The following SH3GL2 variants were observed in gnomAD, a reference collection of about 807,000 sequenced individuals.
The protein encoded by SH3GL2 is endophilin-A1.
SH3GL2 carries 24 observed loss-of-function variants against 46.0 expected under a neutral mutation model. The ratio of observed to expected loss-of-function variants is 0.52; its 90% confidence interval spans 0.38 to 0.73. The LOEUF is 0.73. SH3GL2 is among the 30% of genes least tolerant of loss of function. SH3GL2 has a pLI of 0.00. For missense variants in SH3GL2, 413 were observed against 424.2 expected, an observed-to-expected ratio of 0.97 and a Z score of 0.23; for synonymous variants, 196 against 147.1, an observed-to-expected ratio of 1.33 and a Z score of -2.40.
rs536583588 is a variant in SH3GL2 at position 17,684,616 on chromosome 9, A to G, written c.46-62450A>G. Among the ~76,000 whole-genome samples, 83 of 152,246 alleles carry G rather than the reference A, an allele frequency of 5.5e-4. 1 individual carries two copies. The highest frequency in any genetic ancestry group is 2.0e-3 in the African/African-American group (82 of 41,558). The stretch of plus-strand genomic sequence containing the variant: ...ACACATACCACATAAGAAATCCAAT[A>G]AGCTCACTAAGCAGAATGAATACCC... On this transcript the variant is annotated intron_variant, in intron 1 of 8. Transcript: ENST00000380607.
At chr9:17,727,905 A>G (rs1261275328) in intron 1 of SH3GL2, among the ~76,000 whole-genome samples, 1 of 151,780 alleles carries the variant, frequency 6.6e-6, no homozygotes, top group Admixed American at 6.6e-5. Flanking sequence ...CTTCATCCTC[A>G]TTCTAGGCTC....
intron 1 of SH3GL2, among the ~76,000 whole-genome samples, chr9:17,664,289 C>T (rs891844164): frequency 1.3e-5 from 2 of 152,120 alleles, no homozygotes; most frequent in East Asian, 1.9e-4. Context: ...TTTATTATTT[C>T]TCATACCACA....
intron 2 of SH3GL2, among the ~76,000 whole-genome samples, chr9:17,754,052 A>G (rs1422448894): frequency 6.6e-6 from 1 of 152,220 alleles, no homozygotes; most frequent in East Asian, 1.9e-4. Flanking sequence ...CTGTTTTTGT[A>G]CCAGTACCAT....
At chr9:17,706,501 C>T (rs2383040) in intron 1 of SH3GL2, among the ~76,000 whole-genome samples, 34,969 of 152,014 alleles carry the variant, frequency 0.23, 5,013 homozygotes, top group African/African-American at 0.37. Context: ...AAATCCATAG[C>T]TGGCTTTATT....
chr9:17,596,835 T>A (rs2208506), intron 1 of SH3GL2, among the ~76,000 whole-genome samples: 3 of 152,214 alleles, frequency 2.0e-5, no homozygotes, highest in African/African-American at 7.2e-5. Context: ...GGCAGGCCAC[T>A]TTTGCCTTTC....
At chr9:17,685,425 A>C (rs1820877222) in intron 1 of SH3GL2, among the ~76,000 whole-genome samples, 1 of 152,104 alleles carries the variant, frequency 6.6e-6, no homozygotes. Flanking sequence ...AAGCATATCT[A>C]CAAAATACCT....
chr9:17,586,275 G>C (rs192294420), intron 1 of SH3GL2, among the ~76,000 whole-genome samples: 2 of 152,310 alleles, frequency 1.3e-5, no homozygotes, highest in African/African-American at 2.4e-5. Flanking sequence ...TGGAGAAGCT[G>C]TCTGTAATAC....
intron 1 of SH3GL2, among the ~76,000 whole-genome samples, chr9:17,666,946 T>C (rs1206841284): frequency 1.3e-5 from 2 of 152,168 alleles, no homozygotes; most frequent in Admixed American, 6.5e-5. Flanking sequence ...TAATTTTTGC[T>C]GATCTGAAAC....
intron 1 of SH3GL2, among the ~76,000 whole-genome samples, chr9:17,700,892 A>G (rs1328228013): frequency 6.6e-6 from 1 of 152,210 alleles, no homozygotes. Context: ...GCACCAACCT[A>G]AATAGAACCA....
At chr9:17,667,667 A>T (rs1219823470) in intron 1 of SH3GL2, among the ~76,000 whole-genome samples, 1 of 152,138 alleles carries the variant, frequency 6.6e-6, no homozygotes, top group East Asian at 1.9e-4. Context: ...TTTTTTGCAT[A>T]TACCTTGAGG....
chr9:17,700,753 C>T (rs1272137381), intron 1 of SH3GL2, among the ~76,000 whole-genome samples: 1 of 152,188 alleles, frequency 6.6e-6, no homozygotes, highest in Non-Finnish European at 1.5e-5. Flanking sequence ...TTCCTAGATG[C>T]TCTGCACACT....
intron 2 of SH3GL2, among the ~76,000 whole-genome samples, chr9:17,752,555 T>G (rs572371624): frequency 3.2e-4 from 48 of 152,264 alleles, no homozygotes; most frequent in African/African-American, 1.0e-3. Context: ...TGGAGTGTAG[T>G]AGCTCAGTCA....
chr9:17,742,971 AC>A (rs1351990462), intron 1 of SH3GL2, among the ~76,000 whole-genome samples: 1 of 152,232 alleles, frequency 6.6e-6, no homozygotes, highest in African/African-American at 2.4e-5. Context: ...GTCAAAGTAT[AC>A]TAAGTGGCAT....
chr9:17,646,286 A>G (rs889989351), intron 1 of SH3GL2, among the ~76,000 whole-genome samples: 2 of 151,988 alleles, frequency 1.3e-5, no homozygotes, highest in Non-Finnish European at 2.9e-5. Flanking sequence ...ACCTTTTATC[A>G]AAGTTCTTAG....
chr9:17,670,437 A>C (rs887371263), intron 1 of SH3GL2, among the ~76,000 whole-genome samples: 1 of 152,310 alleles, frequency 6.6e-6, no homozygotes, highest in Admixed American at 6.5e-5. Context: ...TAGTTATATA[A>C]GAAACTGCGA....
chr9:17,768,335 C>T (rs1823375002), intron 3 of SH3GL2, among the ~76,000 whole-genome samples: 3 of 134,204 alleles, frequency 2.2e-5, no homozygotes, highest in African/African-American at 8.9e-5. Context: ...CATGCCACTG[C>T]ACTGCAGCCT....
At chr9:17,600,674 A>G (rs955473113) in intron 1 of SH3GL2, among the ~76,000 whole-genome samples, 1 of 152,192 alleles carries the variant, frequency 6.6e-6, no homozygotes, top group African/African-American at 2.4e-5. Flanking sequence ...TTAATATTGA[A>G]CATGCTAACT....
intron 1 of SH3GL2, among the ~76,000 whole-genome samples, chr9:17,665,170 C>T (rs749685876): frequency 1.2e-4 from 18 of 152,236 alleles, no homozygotes; most frequent in African/African-American, 2.9e-4. Context: ...ACTGTTTCAA[C>T]GCATACCTCC....
chr9:17,781,921 C>T (rs1323420086), intron 3 of SH3GL2, among the ~76,000 whole-genome samples: 2 of 152,094 alleles, frequency 1.3e-5, no homozygotes, highest in Admixed American at 6.6e-5. Context: ...CAGCCTCACC[C>T]ACACTCTGCC....
Sources: gnomAD v4.1 joint callset for allele counts (sites outside exome capture counted in the v4.1 genomes callset) on GRCh38, gnomAD v4.1.1 for gene constraint, MANE v1.5 for transcripts, NCBI Gene and HGNC (gene_info 2026-07-23, HGNC 2026-07-21) for gene names.